Variants in SLBP observed in about 807,000 individuals in gnomAD.
SLBP encodes stem-loop histone mRNA binding protein, also known as histone RNA hairpin-binding protein.
In SLBP, 29 loss-of-function variants were observed where a neutral mutation model predicts 39.2. The ratio of observed to expected loss-of-function variants is 0.74; its 90% CI spans 0.55 to 1.01. The LOEUF is 1.01. Among genes scored for constraint, SLBP ranks in the 50% least tolerant of loss-of-function variants. The probability of loss-of-function intolerance (pLI) is 0.00; values close to 1 mark genes in which losing one functional copy is unlikely to be tolerated. For synonymous variants in SLBP, 129 were observed against 118.7 expected, an observed-to-expected ratio of 1.09 and a Z score of -0.57; for missense variants, 390 against 350.2, an observed-to-expected ratio of 1.11 and a Z score of -0.91.
intron 3 of SLBP, 121 bp from the exon 4 acceptor site, chr4:1,700,191 G>A: frequency 5.8e-6 from 3 of 514,930 alleles, no homozygotes; most frequent in South Asian, 3.7e-5. Flanking sequence ...GAAGCTCCGT[G>A]GGCCAAAAGA....
At chr4:1,706,402 G>C (rs1166691982) in intron 2 of SLBP, among the ~76,000 whole-genome samples, 1 of 152,226 alleles carries the variant, frequency 6.6e-6, no homozygotes, top group Non-Finnish European at 1.5e-5. Flanking sequence ...ATATGTCAGA[G>C]TCCTTGCTGT....
intron 2 of SLBP, among the ~76,000 whole-genome samples, chr4:1,709,080 T>TG (rs1716631958): frequency 6.6e-6 from 1 of 152,106 alleles, no homozygotes; most frequent in Admixed American, 6.5e-5. Context: ...TTTTTTTTTT[T>TG]TTGAGACAGT....
At chr4:1,708,549 G>C (rs1269861312) in intron 2 of SLBP, among the ~76,000 whole-genome samples, 2 of 152,190 alleles carry the variant, frequency 1.3e-5, no homozygotes, top group Non-Finnish European at 2.9e-5. Flanking sequence ...CCTCACTAGT[G>C]TATCAAGAGG....
chr4:1,712,049 C>T, intron 1 of SLBP, 59 bp from the exon 2 acceptor site: 1 of 1,238,646 alleles, frequency 8.1e-7, no homozygotes, highest in Non-Finnish European at 1.0e-6. Context: ...TTACAACCTC[C>T]GCCCTCCCAC....
rs1045071829 is a variant in SLBP, at chr4:1,704,289, A to G, written c.177-589T>C. Among the ~76,000 whole-genome samples, 7 of 152,264 alleles carry G rather than the reference A, an allele frequency of 4.6e-5. No homozygotes were observed. In the East Asian group the frequency reaches 5.8e-4, roughly 13 times the overall value. ...GTGTGTGTGGCAGTCAGAAAAACCCATATCTAGTTTTCAGCTTCAGTTCTG... is the reference window on the plus strand; with the variant it reads ...GTGTGTGTGGCAGTCAGAAAAACCCGTATCTAGTTTTCAGCTTCAGTTCTG... On this transcript the variant is annotated intron_variant, in intron 2 of 7. Coordinates refer to ENST00000489418, the MANE Select transcript of SLBP (RefSeq NM_006527.4).
chr4:1,702,508 C>A (rs912263359), intron 3 of SLBP, among the ~76,000 whole-genome samples: 1 of 152,188 alleles, frequency 6.6e-6, no homozygotes, highest in Non-Finnish European at 1.5e-5. Context: ...TTTCTTGAGA[C>A]CCTGTTTATC....
intron 2 of SLBP, among the ~76,000 whole-genome samples, chr4:1,709,933 T>TA: frequency 6.6e-6 from 1 of 150,492 alleles, no homozygotes; most frequent in African/African-American, 2.5e-5. Flanking sequence ...TTGTACTCAA[T>TA]AAATAGTGTG....
chr4:1,695,010 C>T (rs906117101), intron 6 of SLBP, among the ~76,000 whole-genome samples, 170 bp from the exon 7 acceptor site: 11 of 152,138 alleles, frequency 7.2e-5, no homozygotes, highest in African/African-American at 2.7e-4. Flanking sequence ...AATCCCAGCC[C>T]AATCAATCCA....
intron 7 of SLBP, among the ~76,000 whole-genome samples, chr4:1,694,397 T>C (rs1366684853): frequency 7.3e-6 from 1 of 137,008 alleles, no homozygotes; most frequent in Non-Finnish European, 1.6e-5. Flanking sequence ...GTTTTCTTTC[T>C]TTTTTTTTTT....
chr4:1,694,761 C>A lies in SLBP; in HGVS notation c.696+13G>T, dbSNP rs765029920. 2 of 1,598,022 alleles carry A rather than the reference C, an allele frequency of 1.3e-6. No individual in the cohort carries two copies. Among genetic ancestry groups the A allele is most frequent in the South Asian group, 2.2e-5 (2 of 90,766 alleles). ...GCAACCCCCAAGCTGAAAGACTTAT[C>A]CAAAGTACTTACAAAGTCATCCTGA... On this transcript the variant is annotated intron_variant, in intron 7 of 7. Transcript: ENST00000489418.
chr4:1,711,716 C>G (rs546572262), intron 2 of SLBP, among the ~76,000 whole-genome samples, 158 bp downstream of exon 2: 1 of 152,364 alleles, frequency 6.6e-6, no homozygotes, highest in African/African-American at 2.4e-5. Flanking sequence ...AGGCCTGCTG[C>G]GGCCGCCCCA....
intron 5 of SLBP, among the ~76,000 whole-genome samples, chr4:1,698,520 T>C (rs956113346): frequency 2.2e-4 from 33 of 151,474 alleles, no homozygotes; most frequent in African/African-American, 7.8e-4. Flanking sequence ...AGTCTTGCTC[T>C]GTGACCCAGG....
In SLBP at chr4:1,698,144, G is replaced by A. The variant is rs141587657; in HGVS notation, c.479+1420C>T. Among the ~76,000 whole-genome samples the A allele has an allele frequency of 7.9e-5, 12 of 151,900 alleles. No homozygotes were observed. In the East Asian group the frequency reaches 1.6e-3, roughly 20 times the overall value. ...TGGGAGGCAGAGACAGACGGATCAC[G>A]AGATCAGCAGTGCGAGACCAGCCTG... is the stretch of plus-strand genomic sequence containing the variant. On this transcript the variant is annotated intron_variant, in intron 5 of 7. Transcript: ENST00000489418.
intron 2 of SLBP, among the ~76,000 whole-genome samples, 173 bp from the exon 3 acceptor site, chr4:1,703,873 T>A (rs1448464900): frequency 6.6e-6 from 1 of 152,134 alleles, no homozygotes; most frequent in Admixed American, 6.5e-5. Context: ...AAGACCAGCA[T>A]GGGCAAGATA....
At chr4:1,709,730 G>C (rs939556948) in intron 2 of SLBP, among the ~76,000 whole-genome samples, 1 of 151,734 alleles carries the variant, frequency 6.6e-6, no homozygotes, top group Non-Finnish European at 1.5e-5. Context: ...TCCTGCCTCA[G>C]CCTCCTGAGT....
chr4:1,695,495 G>T (rs1716072478), intron 6 of SLBP, among the ~76,000 whole-genome samples: 1 of 152,168 alleles, frequency 6.6e-6, no homozygotes, highest in Non-Finnish European at 1.5e-5. Flanking sequence ...ATTTCAACTA[G>T]GCACAAGTTT....
intron 2 of SLBP, 30 bp downstream of exon 2, chr4:1,711,844 C>A (rs1250721113): frequency 1.6e-6 from 2 of 1,220,534 alleles, no homozygotes; most frequent in Non-Finnish European, 2.1e-6. Context: ...AGGGCCCCAC[C>A]GCGCCCCGAC....
intron 5 of SLBP, among the ~76,000 whole-genome samples, chr4:1,696,586 A>G (rs565122807): frequency 4.6e-5 from 7 of 152,160 alleles, no homozygotes; most frequent in Admixed American, 4.6e-4. Flanking sequence ...TTTAAAAAAA[A>G]CAACAAAACA....
At chr4:1,712,046 C>T (rs1050146599) in intron 1 of SLBP, 56 bp from the exon 2 acceptor site, 7 of 1,241,714 alleles carry the variant, frequency 5.6e-6, no homozygotes, top group Non-Finnish European at 7.1e-6. Flanking sequence ...GCCTTACAAC[C>T]TCCGCCCTCC....
Sources: gnomAD v4.1 joint callset for allele counts (sites outside exome capture counted in the v4.1 genomes callset) on GRCh38, gnomAD v4.1.1 for gene constraint, MANE v1.5 for transcripts, NCBI Gene and HGNC (gene_info 2026-07-23, HGNC 2026-07-21) for gene names.